Variants in CD79B observed in about 807,000 individuals in gnomAD.
CD79B encodes the protein CD79b molecule.
In CD79B, 7 loss-of-function variants were observed where a neutral mutation model predicts 30.0. The ratio of observed to expected loss-of-function variants is 0.23; its 90% confidence interval spans 0.13 to 0.44. CD79B has a LOEUF of 0.44. CD79B is among the 20% of genes least tolerant of loss of function. The pLI is 1.00. For synonymous variants in CD79B, 118 were observed against 119.2 expected (o/e 0.99, Z 0.07); for missense variants, 218 against 299.1 (o/e 0.73, Z 2.00).
In CD79B at chr17:63,929,460, C is replaced by T; in HGVS notation, c.565G>A (p.Gly189Ser). 6.2e-7 allele frequency: 1 copy of T among 1,613,940 alleles called. No individual in the cohort carries two copies. Among genetic ancestry groups the T allele is most frequent in the African/African-American group, 1.3e-5 (1 of 75,044 alleles). Residue 189 changes from glycine (G) to serine (S), a missense_variant, in exon 5 of 6, where the codon GGC (glycine) becomes AGC (serine). Transcript: ENST00000006750. ...TCGTAGGTGTGATCTTCCTCCATGC[C>T]AGCCTTGCTGTCATCCTGGGGGCGG... The part of the protein sequence containing the change: ...LLLDKDDSKA[G>S]MEEDHTYEGL...
Position 63,929,781 on chromosome 17 carries a change from G to A in CD79B, c.538C>T (p.Leu180=). 1 of 1,608,480 alleles carries A rather than the reference G, an allele frequency of 6.2e-7. No individual in the cohort carries two copies. Among genetic ancestry groups the A allele is most frequent in the Non-Finnish European group, 8.5e-7 (1 of 1,177,466 alleles). ...CGTCCCCTGATCACCTTGTCCAGCA[G>A]CAGGAAGATAGGCACGATGATGAAG... is the stretch of plus-strand genomic sequence containing the variant. The part of the protein sequence containing the change: ...ILFIIVPIFL[L]LDKDDSKAGM... The change falls in exon 4 of 6, where the codon CTG becomes TTG. Residue 180 remains leucine (L), a synonymous_variant. Transcript: ENST00000006750.
At chr17:63,932,112 G>T in intron 1 of CD79B, 83 bp downstream of exon 1, 1 of 1,194,646 alleles carries the variant, frequency 8.4e-7, no homozygotes, top group Non-Finnish European at 1.2e-6. Flanking sequence ...GGAGGAGGGT[G>T]GAGCAAGCAG....
Position 63,929,080 on chromosome 17 carries a change from G to T in CD79B, c.*146C>A. ...CCTTTGGCAAGAGCTGGGGACCAGG[G>T]GCTGGAGACAAATGGCAGCTCTGGT... On this transcript the variant is annotated 3_prime_UTR_variant, in exon 6 of 6. Transcript: ENST00000006750. 1 of 686,314 alleles carries T rather than the reference G, an allele frequency of 1.5e-6. No individual in the cohort carries two copies. Among genetic ancestry groups the T allele is most frequent in the Non-Finnish European group, 2.6e-6 (1 of 377,372 alleles). The allele number at this position is 686,314 out of a possible 1,614,324, so 42.5% of individuals were successfully genotyped here.
Position 63,929,755 on chromosome 17 carries a change from C to T in CD79B, c.549+15G>A. 1 of 1,580,496 alleles carries T rather than the reference C, an allele frequency of 6.3e-7. No homozygotes were observed. On this transcript the variant is annotated intron_variant, in intron 4 of 5. Transcript: ENST00000006750. ...CCTCTGCGGTCCCCCAAGGCTTCCC[C>T]CGTCCCCTGATCACCTTGTCCAGCA...
At position 63,929,108 on chromosome 17, in the gene CD79B, GC is replaced by G. The variant is rs1907953796; in HGVS notation, c.*117del. The G allele has an allele frequency of 2.7e-6, 2 of 748,782 alleles. No individual in the cohort carries two copies. The highest frequency in any genetic ancestry group is 4.8e-6 in the Non-Finnish European group (2 of 419,088). 46.4% of individuals were successfully genotyped at this position (748,782 alleles called of 1,614,324 possible). On this transcript the variant is annotated 3_prime_UTR_variant, in exon 6 of 6. Coordinates refer to ENST00000006750, the MANE Select transcript of CD79B (RefSeq NM_000626.4). ...TGGAGACAAATGGCAGCTCTGGTGG[GC>G]CAGCTTCAGAGGCCAGCTGGGGGGT... is the stretch of plus-strand genomic sequence containing the variant.
intron 2 of CD79B, 125 bp downstream of exon 2, chr17:63,931,210 A>C: frequency 1.1e-6 from 1 of 923,628 alleles, no homozygotes; most frequent in Non-Finnish European, 1.8e-6. Flanking sequence ...TGGGGATGGG[A>C]ATCCTGGATG....
At chr17:63,930,858 G>C (rs1424604160) in intron 2 of CD79B, 2 of 303,162 alleles carry the variant, frequency 6.6e-6, no homozygotes, top group Non-Finnish European at 6.4e-6. Context: ...CCCCCTCCCT[G>C]CATGACTTCC....
intron 2 of CD79B, chr17:63,930,934 C>A: frequency 6.3e-6 from 2 of 316,752 alleles, no homozygotes; most frequent in African/African-American, 2.1e-5. Flanking sequence ...ACCCTCTTTC[C>A]AGCTTCGACT....
In CD79B at chr17:63,930,098, A is replaced by G. The variant is rs771039897; in HGVS notation, c.406T>C (p.Cys136Arg). Reference protein sequence around the residue: ...CNNTSEVYQGCGTELRVMGFS... With the variant: ...CNNTSEVYQGRGTELRVMGFS... Reference sequence around the variant, plus strand: ...CCCATGACTCGCAGCTCTGTGCCGCAGCCCTGGTAGACCTCCGAGGTGTTG... The same window carrying G: ...CCCATGACTCGCAGCTCTGTGCCGCGGCCCTGGTAGACCTCCGAGGTGTTG... Residue 136 changes from cysteine (C) to arginine (R), a missense_variant, in exon 3 of 6, where the codon TGC (cysteine) becomes CGC (arginine). Transcript: ENST00000006750. 1 of 1,614,070 alleles carries G rather than the reference A, an allele frequency of 6.2e-7. No individual in the cohort carries two copies. The highest frequency in any genetic ancestry group is 8.5e-7 in the Non-Finnish European group (1 of 1,179,996).
intron 3 of CD79B, 40 bp from the exon 4 acceptor site, chr17:63,929,928 T>G: frequency 6.4e-7 from 1 of 1,561,790 alleles, no homozygotes; most frequent in African/African-American, 1.4e-5. Flanking sequence ...TGGGCCACAG[T>G]CCACCTTTTA....
intron 1 of CD79B, chr17:63,931,935 T>G (rs777101051): frequency 6.2e-5 from 35 of 560,722 alleles, no homozygotes; most frequent in Non-Finnish European, 1.1e-4. Flanking sequence ...CGGTCCTGGT[T>G]GCTAACTCTG....
At position 63,929,752 on chromosome 17, in the gene CD79B, C is replaced by T; in HGVS notation, c.549+18G>A. 1 of 1,569,236 alleles carries T rather than the reference C, an allele frequency of 6.4e-7. No individual in the cohort carries two copies. Among genetic ancestry groups the T allele is most frequent in the Non-Finnish European group, 8.7e-7 (1 of 1,145,742 alleles). ...CCTCCTCTGCGGTCCCCCAAGGCTT[C>T]CCCCGTCCCCTGATCACCTTGTCCA... On this transcript the variant is annotated intron_variant, in intron 4 of 5. Transcript: ENST00000006750.
chr17:63,930,684 C>T (rs550025549), intron 2 of CD79B, among the ~76,000 whole-genome samples: 142 of 152,312 alleles, frequency 9.3e-4, no homozygotes, highest in African/African-American at 3.1e-3. Flanking sequence ...ATGCCCATTA[C>T]AACAGCCTGA....
chr17:63,930,055 C>T lies in CD79B; in HGVS notation c.430+19G>A, dbSNP rs1318639100. Reference sequence around the variant, plus strand: ...TGGGGCGGACAGCTACAGGAGCGTCCCAGCCACCTGGCACACACCCATGAC... The same window carrying T: ...TGGGGCGGACAGCTACAGGAGCGTCTCAGCCACCTGGCACACACCCATGAC... On this transcript the variant is annotated intron_variant, in intron 3 of 5. Transcript: ENST00000006750. 5 of 1,612,758 alleles carry T rather than the reference C, an allele frequency of 3.1e-6. No individual in the cohort carries two copies. Among genetic ancestry groups the T allele is most frequent in the Non-Finnish European group, 4.2e-6 (5 of 1,179,440 alleles).
rs201051431 is a variant in CD79B, at chr17:63,929,892, C to T, written c.431-4G>A. Reference sequence around the variant, plus strand: ...AGCTGTGCCAAGGTGCTGAATCCTGCGGGGACAGGGGTGGGGTTGTGAGCC... The same window carrying T: ...AGCTGTGCCAAGGTGCTGAATCCTGTGGGGACAGGGGTGGGGTTGTGAGCC... On this transcript the variant is annotated splice_region_variant and splice_polypyrimidine_tract_variant and intron_variant, in intron 3 of 5. Transcript: ENST00000006750. 1.2e-4 allele frequency: 187 copies of T among 1,606,296 alleles called. No homozygotes were observed. The African/African-American group carries it at 1.9e-3, about 16-fold the overall frequency.
At position 63,928,951 on chromosome 17, in the gene CD79B, T is replaced by C. The variant is rs1006206922; in HGVS notation, c.*275A>G. Reference sequence around the variant, plus strand: ...ACCAGTCTCTGCCTCCCCCATCCCATGTGTGGGGACGGATCACCTCATAGC... The same window carrying C: ...ACCAGTCTCTGCCTCCCCCATCCCACGTGTGGGGACGGATCACCTCATAGC... On this transcript the variant is annotated 3_prime_UTR_variant, in exon 6 of 6. Coordinates refer to ENST00000006750, the MANE Select transcript of CD79B (RefSeq NM_000626.4). 2.3e-5 allele frequency: 12 copies of C among 523,974 alleles called. No individual in the cohort carries two copies. Among genetic ancestry groups the C allele is most frequent in the African/African-American group, 2.1e-4 (11 of 52,596 alleles). The allele number at this position is 523,974 out of a possible 1,614,324, so 32.5% of individuals were successfully genotyped here.
chr17:63,931,189 C>T, intron 2 of CD79B, 146 bp downstream of exon 2: 2 of 787,792 alleles, frequency 2.5e-6, no homozygotes, highest in East Asian at 2.6e-5. Flanking sequence ...AGAGGAGATC[C>T]TAAGGAGGCC....
Position 63,929,463 on chromosome 17 carries a change from C to G in CD79B, c.562G>C (p.Ala188Pro), listed in dbSNP as rs781750148. 3 of 1,613,892 alleles carry G rather than the reference C, an allele frequency of 1.9e-6. No individual in the cohort carries two copies. The highest frequency in any genetic ancestry group is 2.2e-5 in the South Asian group (2 of 91,086). ...FLLLDKDDSK[A>P]GMEEDHTYEG... The stretch of plus-strand genomic sequence containing the variant: ...TAGGTGTGATCTTCCTCCATGCCAG[C>G]CTTGCTGTCATCCTGGGGGCGGAGA... Residue 188 changes from alanine (A) to proline (P), a missense_variant, in exon 5 of 6, where the codon GCT (alanine) becomes CCT (proline). Ala to Pro is a conservative substitution (Grantham distance 27, BLOSUM62 -1). Coordinates refer to ENST00000006750, the MANE Select transcript of CD79B (RefSeq NM_000626.4).
At position 63,929,053 on chromosome 17, in the gene CD79B, G is replaced by A. The variant is rs184875148; in HGVS notation, c.*173C>T. The A allele has an allele frequency of 7.4e-4, 482 of 647,838 alleles. 1 individual carries two copies. Among genetic ancestry groups the A allele is most frequent in the Non-Finnish European group, 2.6e-4 (92 of 358,468 alleles). 40.1% of individuals were successfully genotyped at this position (647,838 alleles called of 1,614,324 possible). A position where few individuals can be genotyped will look rare whatever the true frequency, so the allele number is the denominator to read the frequency against. ...CTGCCCTGTTGTCCTTCTACTCCAG[G>A]CCCTTTGGCAAGAGCTGGGGACCAG... On this transcript the variant is annotated 3_prime_UTR_variant, in exon 6 of 6. Transcript: ENST00000006750.
Sources: gnomAD v4.1 joint callset for allele counts (sites outside exome capture counted in the v4.1 genomes callset) on GRCh38, gnomAD v4.1.1 for gene constraint, MANE v1.5 for transcripts, NCBI Gene and HGNC (gene_info 2026-07-23, HGNC 2026-07-21) for gene names.